The following RAD54L2 variants were observed in gnomAD, a reference collection of about 807,000 sequenced individuals.
The protein encoded by RAD54L2 is helicase ARIP4.
Under a neutral mutation model 138.4 loss-of-function variants are expected in RAD54L2, and 27 were observed. That is an observed-to-expected ratio of 0.20 (90% CI 0.14 to 0.27). The LOEUF is 0.27. Ranked by LOEUF, RAD54L2 falls within the 10% of genes least tolerant of loss-of-function variation. The pLI is 1.00. For missense variants in RAD54L2, 1,396 were observed against 1,890.2 expected (o/e 0.74, Z 4.85); for synonymous variants, 644 against 723.2 (o/e 0.89, Z 1.76).
Position 51,663,358 on chromosome 3 carries a change from G to C in RAD54L2, c.4342G>C (p.Gly1448Arg), listed in dbSNP as rs1388759122. 6.2e-7 allele frequency: 1 copy of C among 1,613,768 alleles called. No homozygotes were observed. Among genetic ancestry groups the C allele is most frequent in the Non-Finnish European group, 8.5e-7 (1 of 1,179,898 alleles). ...TGACTCTCATGAGGTTGCCGAGGTTGGGTTCAGCTCCAATGATGATGAGGA... is the reference window on the plus strand; with the variant it reads ...TGACTCTCATGAGGTTGCCGAGGTTCGGTTCAGCTCCAATGATGATGAGGA... ...PFDSHEVAEV[G>R]FSSNDDEDKD... The change falls in exon 23 of 23, where the codon GGG (glycine) becomes CGG (arginine). Residue 1448 changes from glycine to arginine, a missense_variant. Gly to Arg is a moderately radical substitution (Grantham distance 125). This residue lies in a region of RAD54L2 where 634 missense variants were observed against 711.2 expected (regional missense o/e 0.89). Coordinates refer to ENST00000684192, the MANE Select transcript of RAD54L2 (RefSeq NM_015106.4).
intron 19 of RAD54L2, among the ~76,000 whole-genome samples, chr3:51,650,183 C>T (rs1236518655): frequency 6.6e-6 from 1 of 152,080 alleles, no homozygotes; most frequent in Non-Finnish European, 1.5e-5. Context: ...TCAAAGGAGA[C>T]AAAGAAGGCC....
intron 2 of RAD54L2, among the ~76,000 whole-genome samples, chr3:51,561,571 T>C (rs533891003): frequency 1.3e-5 from 2 of 151,988 alleles, no homozygotes; most frequent in Admixed American, 6.5e-5. Context: ...TTTTTCTTTT[T>C]TTTTTTTTGA....
At chr3:51,661,108 C>T (rs191669230) in intron 22 of RAD54L2, among the ~76,000 whole-genome samples, 5 of 151,704 alleles carry the variant, frequency 3.3e-5, no homozygotes, top group East Asian at 1.9e-4. Flanking sequence ...ATTACAGGTG[C>T]GTGCCACCAC....
At chr3:51,580,559 A>G (rs1044888580) in intron 2 of RAD54L2, among the ~76,000 whole-genome samples, 1 of 152,142 alleles carries the variant, frequency 6.6e-6, no homozygotes, top group Non-Finnish European at 1.5e-5. Flanking sequence ...TCCTGGGGCT[A>G]TCTAGGGGCC....
chr3:51,646,579 C>T, intron 19 of RAD54L2, 98 bp downstream of exon 19: 1 of 1,242,696 alleles, frequency 8.0e-7, no homozygotes, highest in Non-Finnish European at 1.1e-6. Flanking sequence ...CAACTTGTTC[C>T]TTGACTGCTG....
chr3:51,556,723 T>C (rs1007777354), intron 2 of RAD54L2, among the ~76,000 whole-genome samples: 1 of 152,030 alleles, frequency 6.6e-6, no homozygotes, highest in Non-Finnish European at 1.5e-5. Flanking sequence ...ATTACAGCCA[T>C]GCGCCACCAT....
chr3:51,597,179 A>C (rs1363772130), intron 3 of RAD54L2, among the ~76,000 whole-genome samples: 3 of 151,214 alleles, frequency 2.0e-5, no homozygotes, highest in African/African-American at 7.3e-5. Context: ...AAAAAAAAAA[A>C]AAAAAAAAAA....
Position 51,645,333 on chromosome 3 carries a change from C to T in RAD54L2, c.2656+104C>T, listed in dbSNP as rs532685493. The T allele has an allele frequency of 6.0e-4, 743 of 1,228,342 alleles. No individual in the cohort carries two copies. Among genetic ancestry groups the T allele is most frequent in the Non-Finnish European group, 7.7e-4 (674 of 873,342 alleles). The allele number at this position is 1,228,342 out of a possible 1,614,324, so 76.1% of individuals were successfully genotyped here. A position where few individuals can be genotyped will look rare whatever the true frequency, so the allele number is the denominator to read the frequency against. The stretch of plus-strand genomic sequence containing the variant: ...AGGATATGGGAACACAGGCAGGCTT[C>T]GAGAAAGCCAGCATTTCCTCCTATC... On this transcript the variant is annotated intron_variant, in intron 17 of 22. Transcript: ENST00000684192. The surrounding 1 kb of genome is among the most constrained non-coding windows in gnomAD (Gnocchi z 6.1).
intron 3 of RAD54L2, among the ~76,000 whole-genome samples, chr3:51,613,990 C>T (rs1436398007): frequency 2.0e-5 from 3 of 152,120 alleles, no homozygotes; most frequent in Non-Finnish European, 2.9e-5. Flanking sequence ...CGTCCTACAG[C>T]ATGAGGATAG....
chr3:51,545,461 A>G (rs907128606), intron 2 of RAD54L2, among the ~76,000 whole-genome samples: 1 of 151,606 alleles, frequency 6.6e-6, no homozygotes, highest in Non-Finnish European at 1.5e-5. Flanking sequence ...AAGTGCTGGG[A>G]TTACAGGCGT....
chr3:51,543,765 C>G (rs553125909), intron 2 of RAD54L2, among the ~76,000 whole-genome samples: 1 of 152,232 alleles, frequency 6.6e-6, no homozygotes, highest in South Asian at 2.1e-4. Context: ...TACTCTGGCA[C>G]GTGAGGCTCA....
chr3:51,665,118 A>G lies in RAD54L2; in HGVS notation c.*1698A>G, dbSNP rs1701886334. 6.6e-6 allele frequency: 1 copy of G among 152,164 alleles called. No individual in the cohort carries two copies. The allele number at this position is 152,164 out of a possible 1,614,324, so 9.4% of individuals were successfully genotyped here. A position where few individuals can be genotyped will look rare whatever the true frequency, so the allele number is the denominator to read the frequency against. ...TGCCATTGCCAGGGGAGGGTCGTCT[A>G]GTCCTTAAGCATAAACACTGGCTGT... On this transcript the variant is annotated 3_prime_UTR_variant, in exon 23 of 23. Transcript: ENST00000684192.
chr3:51,633,770 T>C lies in RAD54L2; in HGVS notation c.1008+11T>C. The C allele has an allele frequency of 6.2e-7, 1 of 1,613,624 alleles. No individual in the cohort carries two copies. Among genetic ancestry groups the C allele is most frequent in the Non-Finnish European group, 8.5e-7 (1 of 1,179,702 alleles). On this transcript the variant is annotated intron_variant, in intron 8 of 22. Coordinates refer to ENST00000684192, the MANE Select transcript of RAD54L2 (RefSeq NM_015106.4). ...CTTGCCATTGTGCCGGTAAGAGTTTTTGGGAAGGCACCACTTAAGTCACTC... is the reference window on the plus strand; with the variant it reads ...CTTGCCATTGTGCCGGTAAGAGTTTCTGGGAAGGCACCACTTAAGTCACTC...
rs200912618 is a variant in RAD54L2, at chr3:51,662,590, C to A, written c.3574C>A (p.Arg1192Ser). ...YADVAAARES[R>S]QSSPSTNAAL... is the part of the protein sequence containing the mutation. ...AGATGTGGCTGCTGCCCGGGAATCC[C>A]GTCAGAGCTCCCCAAGCACCAATGC... The change falls in exon 23 of 23, where the codon CGT becomes AGT. Residue 1192 changes from arginine (R) to serine (S), a missense_variant. Around this residue, in one of 7 missense-constraint regions of RAD54L2, gnomAD observed 634 missense variants for 711.2 expected, o/e 0.89. Transcript: ENST00000684192. The surrounding 1 kb of genome is among the most constrained non-coding windows in gnomAD (Gnocchi z 4.6). The A allele has an allele frequency of 6.2e-7, 1 of 1,613,430 alleles. No homozygotes were observed. Among genetic ancestry groups the A allele is most frequent in the Non-Finnish European group, 8.5e-7 (1 of 1,179,624 alleles).
intron 2 of RAD54L2, among the ~76,000 whole-genome samples, chr3:51,546,282 C>CA (rs1219391019): frequency 1.3e-5 from 2 of 151,366 alleles, no homozygotes; most frequent in Non-Finnish European, 2.9e-5. Context: ...TAGCAGACTG[C>CA]AAAAAATAAA....
chr3:51,644,947 A>G (rs1340219540), intron 16 of RAD54L2, 77 bp from the exon 17 acceptor site: 4 of 1,449,286 alleles, frequency 2.8e-6, no homozygotes, highest in Non-Finnish European at 3.9e-6. Context: ...TTGGGGTAGA[A>G]GTCACAGAGG....
At chr3:51,591,542 G>A (rs543937112) in intron 3 of RAD54L2, among the ~76,000 whole-genome samples, 12 of 152,216 alleles carry the variant, frequency 7.9e-5, no homozygotes, top group African/African-American at 2.6e-4. Flanking sequence ...TTGGGAATCC[G>A]TTTGCCCTCC....
At chr3:51,608,380 C>T (rs956020810) in intron 3 of RAD54L2, among the ~76,000 whole-genome samples, 7 of 150,244 alleles carry the variant, frequency 4.7e-5, no homozygotes, top group Non-Finnish European at 7.4e-5. Flanking sequence ...ACATCCCAGA[C>T]GATGGGCGGC....
In RAD54L2 at chr3:51,659,368, A is replaced by G. The variant is rs1314634267; in HGVS notation, c.3317-658A>G. ...GATCCACCCGCCTCGGCCTCCCAAA[A>G]TGCTGGGATTACAGGCGTGAGCCAC... On this transcript the variant is annotated intron_variant, in intron 21 of 22. Coordinates refer to ENST00000684192, the MANE Select transcript of RAD54L2 (RefSeq NM_015106.4). Among the ~76,000 whole-genome samples the G allele has an allele frequency of 3.3e-5, 5 of 152,072 alleles. No individual in the cohort carries two copies. In the East Asian group the frequency reaches 9.7e-4, roughly 29 times the overall value.
Sources: allele counts gnomAD v4.1 joint callset (sites outside exome capture counted in the v4.1 genomes callset), GRCh38; gene constraint gnomAD v4.1.1; regional missense constraint gnomAD v4.1.1; non-coding constraint Gnocchi (gnomAD v3.1); transcripts MANE v1.5; gene names NCBI Gene and HGNC (gene_info 2026-07-23, HGNC 2026-07-21).